Variants in ELOB observed in about 807,000 individuals in gnomAD.
The protein encoded by ELOB is elongin-B.
Under a neutral mutation model 12.9 loss-of-function variants are expected in ELOB, and 3 were observed. That is an observed-to-expected ratio of 0.23 (90% confidence interval 0.11 to 0.60). The LOEUF (loss-of-function observed/expected upper bound fraction) is 0.60, where lower values mean the gene tolerates loss of function less well. ELOB is among the 20% of genes least tolerant of loss of function. ELOB has a pLI of 0.89. For missense variants in ELOB, 126 were observed against 159.2 expected, an observed-to-expected ratio of 0.79 and a Z score of 1.12; for synonymous variants, 84 against 67.4, an observed-to-expected ratio of 1.25 and a Z score of -1.21.
Position 2,771,523 on chromosome 16 carries a change from C to T in ELOB, c.*467G>A, listed in dbSNP as rs201628798. The T allele has an allele frequency of 2.1e-4, 341 of 1,614,186 alleles. 2 individuals carry two copies. In the East Asian group the frequency reaches 4.7e-3, roughly 22 times the overall value. On this transcript the variant is annotated 3_prime_UTR_variant, in exon 4 of 4. Coordinates refer to ENST00000409906, the MANE Select transcript of ELOB (RefSeq NM_007108.4). ...GTGTGGGTCCGTCTTGGGGTTCCCT[C>T]GTTGAACATGCTGTCAAACCAGGAC...
In ELOB at chr16:2,771,680, T is replaced by G. The variant is rs533401432; in HGVS notation, c.*310A>C. The G allele has an allele frequency of 3.1e-6, 5 of 1,601,154 alleles. No homozygotes were observed. In the East Asian group the frequency reaches 1.1e-4, roughly 36 times the overall value. On this transcript the variant is annotated 3_prime_UTR_variant, in exon 4 of 4. Coordinates refer to ENST00000409906, the MANE Select transcript of ELOB (RefSeq NM_007108.4). ...CTTGTCCCTGAGGCTGGCTCTGGTC[T>G]TTGTGTCTCTCCCAGTCCTTCCCTT...
intron 3 of ELOB, chr16:2,772,630 A>T (rs2068769378): frequency 6.6e-6 from 1 of 151,820 alleles, no homozygotes; most frequent in African/African-American, 2.4e-5. Context: ...GAATGACGTG[A>T]ACCCGGGAGG....
At chr16:2,772,949 A>G (rs1321618437) in intron 3 of ELOB, among the ~76,000 whole-genome samples, 2 of 152,086 alleles carry the variant, frequency 1.3e-5, no homozygotes, top group Admixed American at 6.6e-5. Flanking sequence ...GGTCCAACTC[A>G]GGTCACCTCC....
At chr16:2,772,263 C>A (rs1012824080) in intron 3 of ELOB, 161 bp from the exon 4 acceptor site, 2 of 800,130 alleles carry the variant, frequency 2.5e-6, no homozygotes, top group Non-Finnish European at 3.6e-6. Context: ...GTTCCAGCTA[C>A]CCCCGTGGCC....
rs149027706 is a variant in ELOB, at chr16:2,771,508, G to T, written c.*482C>A. Reference sequence around the variant, plus strand: ...AGCGTGGGTGGACCTGTGTGGGTCCGTCTTGGGGTTCCCTCGTTGAACATG... The same window carrying T: ...AGCGTGGGTGGACCTGTGTGGGTCCTTCTTGGGGTTCCCTCGTTGAACATG... On this transcript the variant is annotated 3_prime_UTR_variant, in exon 4 of 4. Transcript: ENST00000409906. 9.3e-6 allele frequency: 15 copies of T among 1,614,212 alleles called. No homozygotes were observed. The highest frequency in any genetic ancestry group is 3.4e-6 in the Non-Finnish European group (4 of 1,180,048).
chr16:2,775,143 G>A (rs1673830314), intron 3 of ELOB, among the ~76,000 whole-genome samples: 1 of 152,108 alleles, frequency 6.6e-6, no homozygotes, highest in Non-Finnish European at 1.5e-5. Context: ...ATGAGACAGG[G>A]CAGTGGAAGC....
chr16:2,775,628 A>G, intron 2 of ELOB, 72 bp from the exon 3 acceptor site: 1 of 1,260,578 alleles, frequency 7.9e-7, no homozygotes, highest in Admixed American at 2.0e-5. Context: ...ACCAGCAACT[A>G]CACGGGAAGT....
At position 2,777,248 on chromosome 16, in the gene ELOB, C is replaced by A; in HGVS notation, c.-9G>T. On this transcript the variant is annotated 5_prime_UTR_variant, in exon 1 of 4. Coordinates refer to ENST00000409906, the MANE Select transcript of ELOB (RefSeq NM_007108.4). ...CCACGCCCGCTCACCATCGCGGCTG[C>A]TGCCTCTCCCCTCGACGCGCCGGCG... 9.8e-7 allele frequency: 1 copy of A among 1,024,938 alleles called. No homozygotes were observed. Among genetic ancestry groups the A allele is most frequent in the Non-Finnish European group, 1.2e-6 (1 of 855,380 alleles). 63.5% of individuals were successfully genotyped at this position (1,024,938 alleles called of 1,614,324 possible).
Position 2,771,485 on chromosome 16 carries a change from C to T in ELOB, c.*505G>A, listed in dbSNP as rs193122310. The T allele has an allele frequency of 7.5e-5, 121 of 1,614,176 alleles. No individual in the cohort carries two copies. The East Asian group carries it at 1.2e-3, about 16-fold the overall frequency. Reference sequence around the variant, plus strand: ...TTCCCTCCGTGATTACAGCCCCCAGCGTGGGTGGACCTGTGTGGGTCCGTC... The same window carrying T: ...TTCCCTCCGTGATTACAGCCCCCAGTGTGGGTGGACCTGTGTGGGTCCGTC... On this transcript the variant is annotated 3_prime_UTR_variant, in exon 4 of 4. Coordinates refer to ENST00000409906, the MANE Select transcript of ELOB (RefSeq NM_007108.4).
Position 2,771,582 on chromosome 16 carries a change from T to TCGTC in ELOB, c.*404_*407dup, listed in dbSNP as rs1175910499. ...CAGCTTGTGTTTCTGCTCTTGGCCATCGTCTGGGAGTGGACATGCAGGCTA... is the reference window on the plus strand; with the variant it reads ...CAGCTTGTGTTTCTGCTCTTGGCCATCGTCCGTCTGGGAGTGGACATGCAGGCTA... On this transcript the variant is annotated 3_prime_UTR_variant, in exon 4 of 4. Coordinates refer to ENST00000409906, the MANE Select transcript of ELOB (RefSeq NM_007108.4). The TCGTC allele has an allele frequency of 6.2e-7, 1 of 1,614,028 alleles. No homozygotes were observed. Among genetic ancestry groups the TCGTC allele is most frequent in the African/African-American group, 1.3e-5 (1 of 74,988 alleles).
chr16:2,774,929 C>G (rs2009509), intron 3 of ELOB, among the ~76,000 whole-genome samples: 101,813 of 152,032 alleles, frequency 0.67, 35,094 homozygotes, highest in Admixed American at 0.8. Flanking sequence ...AACCTGAAAA[C>G]TGGCAAAATC....
At chr16:2,772,538 C>CA (rs34936144) in intron 3 of ELOB, 7,285 of 71,678 alleles carry the variant, frequency 0.1, 250 homozygotes, top group Non-Finnish European at 0.12. Context: ...ACTAAAAATA[C>CA]AAAAAAAAAA....
Position 2,771,905 on chromosome 16 carries a change from C to G in ELOB, c.*85G>C. On this transcript the variant is annotated 3_prime_UTR_variant, in exon 4 of 4. Transcript: ENST00000409906. ...GGAGCCCACAGGGAGTGGGACCCATCCCAGGGAGGGGCGGGAAAAAGAGGC... is the reference window on the plus strand; with the variant it reads ...GGAGCCCACAGGGAGTGGGACCCATGCCAGGGAGGGGCGGGAAAAAGAGGC... 1 of 1,521,792 alleles carries G rather than the reference C, an allele frequency of 6.6e-7. No homozygotes were observed. The highest frequency in any genetic ancestry group is 1.4e-5 in the African/African-American group (1 of 72,464). 94.3% of individuals were successfully genotyped at this position (1,521,792 alleles called of 1,614,324 possible). A position where few individuals can be genotyped will look rare whatever the true frequency, so the allele number is the denominator to read the frequency against.
At chr16:2,774,344 C>T (rs2068786810) in intron 3 of ELOB, among the ~76,000 whole-genome samples, 1 of 152,260 alleles carries the variant, frequency 6.6e-6, no homozygotes, top group Non-Finnish European at 1.5e-5. Context: ...CAGAAAGGCT[C>T]TGAAGCTTCC....
Position 2,771,772 on chromosome 16 carries a change from C to G in ELOB, c.*218G>C, listed in dbSNP as rs2068755692. ...CAATGGCTTGGGTCTCAGGGCAACC[C>G]AGGTCCCCATGGTGCCTTTAAGCAG... is the stretch of plus-strand genomic sequence containing the variant. On this transcript the variant is annotated 3_prime_UTR_variant, in exon 4 of 4. Coordinates refer to ENST00000409906, the MANE Select transcript of ELOB (RefSeq NM_007108.4). The G allele has an allele frequency of 1.1e-5, 16 of 1,473,170 alleles. No individual in the cohort carries two copies. Among genetic ancestry groups the G allele is most frequent in the Admixed American group, 9.9e-5 (4 of 40,328 alleles). The allele number at this position is 1,473,170 out of a possible 1,614,324, so 91.3% of individuals were successfully genotyped here. A position where few individuals can be genotyped will look rare whatever the true frequency, so the allele number is the denominator to read the frequency against.
In ELOB at chr16:2,777,245, C is replaced by A. The variant is rs1218673407; in HGVS notation, c.-6G>T. ...CCCCCACGCCCGCTCACCATCGCGG[C>A]TGCTGCCTCTCCCCTCGACGCGCCG... On this transcript the variant is annotated 5_prime_UTR_variant, in exon 1 of 4. Coordinates refer to ENST00000409906, the MANE Select transcript of ELOB (RefSeq NM_007108.4). 9.8e-7 allele frequency: 1 copy of A among 1,024,212 alleles called. No homozygotes were observed. The highest frequency in any genetic ancestry group is 1.2e-6 in the Non-Finnish European group (1 of 854,820). 63.4% of individuals were successfully genotyped at this position (1,024,212 alleles called of 1,614,324 possible).
Position 2,771,527 on chromosome 16 carries a change from G to A in ELOB, c.*463C>T. 1 of 1,614,192 alleles carries A rather than the reference G, an allele frequency of 6.2e-7. No homozygotes were observed. Among genetic ancestry groups the A allele is most frequent in the Non-Finnish European group, 8.5e-7 (1 of 1,180,026 alleles). ...GGGTCCGTCTTGGGGTTCCCTCGTT[G>A]AACATGCTGTCAAACCAGGACACTG... On this transcript the variant is annotated 3_prime_UTR_variant, in exon 4 of 4. Coordinates refer to ENST00000409906, the MANE Select transcript of ELOB (RefSeq NM_007108.4).
At chr16:2,772,142 C>T (rs2068762397) in intron 3 of ELOB, 40 bp from the exon 4 acceptor site, 7 of 1,538,796 alleles carry the variant, frequency 4.5e-6, no homozygotes, top group African/African-American at 1.4e-5. Flanking sequence ...GGTATTCCAG[C>T]TCTTGCCCCA....
At chr16:2,775,826 A>C (rs1415375112) in intron 2 of ELOB, among the ~76,000 whole-genome samples, 4 of 152,240 alleles carry the variant, frequency 2.6e-5, no homozygotes, top group Non-Finnish European at 5.9e-5. Flanking sequence ...CTATCTGGAG[A>C]TAGGCAGACC....
Sources: allele counts gnomAD v4.1 joint callset (sites outside exome capture counted in the v4.1 genomes callset), GRCh38; gene constraint gnomAD v4.1.1; transcripts MANE v1.5; gene names NCBI Gene and HGNC (gene_info 2026-07-23, HGNC 2026-07-21).